DNAH3: variants seen among roughly 807,000 people sequenced by gnomAD.
The protein encoded by DNAH3 is dynein axonemal heavy chain 3, also known as axonemal beta dynein heavy chain 3.
Under a neutral mutation model 432.5 loss-of-function variants are expected in DNAH3, and 332 were observed. The observed-to-expected ratio is 0.77, with a 90% CI of 0.70 to 0.84. DNAH3 has a LOEUF of 0.84. DNAH3 is among the 40% of genes least tolerant of loss of function. The probability of loss-of-function intolerance (pLI) is 0.00; values close to 1 mark genes in which losing one functional copy is unlikely to be tolerated. For synonymous variants in DNAH3, 1,956 were observed against 1,900.2 expected (o/e 1.03, Z -0.76); for missense variants, 4,861 against 5,114.0 (o/e 0.95, Z 1.51).
chr16:20,968,332 G>T (rs1295194863), intron 52 of DNAH3, among the ~76,000 whole-genome samples: 1 of 152,164 alleles, frequency 6.6e-6, no homozygotes, highest in African/African-American at 2.4e-5. Context: ...GCCTCCCAAA[G>T]TGCTGGGATT....
chr16:20,951,964 C>T (rs1218641442), intron 56 of DNAH3, among the ~76,000 whole-genome samples: 2 of 150,458 alleles, frequency 1.3e-5, no homozygotes, highest in Non-Finnish European at 3.0e-5. Flanking sequence ...AGGATGGTCT[C>T]GATCTCCTGA....
At chr16:21,136,209 T>C (rs2092640889) in intron 6 of DNAH3, 115 bp downstream of exon 7, 2 of 1,011,874 alleles carry the variant, frequency 2.0e-6, no homozygotes, top group South Asian at 3.2e-5. Flanking sequence ...AGCCCAGGAG[T>C]TCCAGACCAG....
intron 51 of DNAH3, among the ~76,000 whole-genome samples, chr16:20,972,707 A>C (rs2152641397): frequency 6.6e-6 from 1 of 151,860 alleles, no homozygotes; most frequent in Non-Finnish European, 1.5e-5. Flanking sequence ...AGCCAATCAA[A>C]AAGGCCTGCC....
intron 40 of DNAH3, among the ~76,000 whole-genome samples, chr16:21,021,037 C>A (rs1266279189): frequency 6.6e-6 from 1 of 152,192 alleles, no homozygotes; most frequent in Non-Finnish European, 1.5e-5. Flanking sequence ...CTTTAGTGTT[C>A]ATCCAAGCTG....
intron 48 of DNAH3, among the ~76,000 whole-genome samples, chr16:20,983,704 G>C (rs950864523): frequency 6.6e-6 from 1 of 151,942 alleles, no homozygotes; most frequent in African/African-American, 2.4e-5. Context: ...AGGTGGAAGT[G>C]AAAGGTCACT....
chr16:20,965,232 C>G (rs775187070), exon 53 of DNAH3: 1 of 1,613,484 alleles, frequency 6.2e-7, no homozygotes, highest in South Asian at 1.1e-5. Context: ...CCCACTTGCA[C>G]AGACCCTCGC....
chr16:21,069,427 A>G (rs866786852), exon 23 of DNAH3: 12 of 1,613,896 alleles, frequency 7.4e-6, no homozygotes, highest in Middle Eastern at 1.6e-4. Flanking sequence ...CTTGGGACAT[A>G]AGTGATTTCC....
intron 36 of DNAH3, among the ~76,000 whole-genome samples, chr16:21,031,883 C>T (rs140108500): frequency 0.016 from 2,420 of 152,180 alleles, 63 homozygotes; most frequent in African/African-American, 0.056. Flanking sequence ...CAAAAATTAG[C>T]TGGGCGTGGT....
intron 41 of DNAH3, among the ~76,000 whole-genome samples, chr16:21,009,350 G>C (rs2087468781): frequency 6.6e-6 from 1 of 152,204 alleles, no homozygotes; most frequent in African/African-American, 2.4e-5. Flanking sequence ...CATGTAAAGA[G>C]ATGAAATCAG....
At chr16:20,936,408 G>A (rs952895595) in intron 60 of DNAH3, among the ~76,000 whole-genome samples, 3 of 151,650 alleles carry the variant, frequency 2.0e-5, no homozygotes, top group South Asian at 2.1e-4. Context: ...CGCCTGCCTC[G>A]GCCTCCCAGA....
At chr16:20,981,553 A>G (rs961644307) in intron 49 of DNAH3, among the ~76,000 whole-genome samples, 1 of 151,838 alleles carries the variant, frequency 6.6e-6, no homozygotes, top group South Asian at 2.1e-4. Flanking sequence ...GGTGAAACCC[A>G]GTGTCCACTA....
At chr16:21,121,067 C>T in intron 10 of DNAH3, 1 of 669,956 alleles carries the variant, frequency 1.5e-6, no homozygotes, top group Admixed American at 2.0e-5. Context: ...ATTCGTTTCA[C>T]ATGAGCAAGG....
intron 48 of DNAH3, 62 bp from the exon 49 acceptor site, chr16:20,982,948 G>C (rs1175729844): frequency 6.3e-7 from 1 of 1,595,158 alleles, no homozygotes; most frequent in Non-Finnish European, 8.6e-7. Flanking sequence ...AAGGAGGCAG[G>C]CGGGTATTCC....
At chr16:20,944,971 A>G (rs2083981251) in intron 57 of DNAH3, among the ~76,000 whole-genome samples, 1 of 152,144 alleles carries the variant, frequency 6.6e-6, no homozygotes, top group Admixed American at 6.5e-5. Context: ...CTCCATCCCA[A>G]ACTGTCAGAG....
chr16:21,109,578 GATT>G (rs2092023647), intron 14 of DNAH3, among the ~76,000 whole-genome samples: 2 of 152,172 alleles, frequency 1.3e-5, no homozygotes, highest in African/African-American at 2.4e-5. Context: ...TAATAGCGGT[GATT>G]ATTACTAAAT....
At chr16:21,099,243 T>C (rs954114916) in intron 16 of DNAH3, among the ~76,000 whole-genome samples, 5 of 151,344 alleles carry the variant, frequency 3.3e-5, no homozygotes, top group East Asian at 3.9e-4. Context: ...CATGGATGGA[T>C]GGATGGATGG....
rs374736610 is a variant in DNAH3 at position 21,070,691 on chromosome 16, C to A, written c.3201+19G>T. On this transcript the variant is annotated intron_variant, in intron 22 of 61. Coordinates refer to ENST00000261383, the Ensembl canonical transcript of DNAH3. ...AGCTAACGAAACACCTCAAAGCATT[C>A]AACTTCATTTCCTCTTACCCGGCAT... is the stretch of plus-strand genomic sequence containing the variant. The A allele has an allele frequency of 1.3e-6, 2 of 1,534,512 alleles. No individual in the cohort carries two copies. The highest frequency in any genetic ancestry group is 4.5e-5 in the East Asian group (2 of 44,448).
At chr16:21,113,896 T>A (rs142104884) in intron 12 of DNAH3, among the ~76,000 whole-genome samples, 159 of 152,304 alleles carry the variant, frequency 1.0e-3, no homozygotes, top group African/African-American at 3.6e-3. Context: ...ATTACGATAG[T>A]CCCTCCTTAC....
At chr16:21,022,527 G>C (rs1463546714) in intron 39 of DNAH3, among the ~76,000 whole-genome samples, 1 of 152,164 alleles carries the variant, frequency 6.6e-6, no homozygotes, top group Non-Finnish European at 1.5e-5. Context: ...ATTAGTCAAA[G>C]AGAGTACAGA....
Sources: allele counts gnomAD v4.1 joint callset (sites outside exome capture counted in the v4.1 genomes callset), GRCh38; gene constraint gnomAD v4.1.1; transcripts MANE v1.5; gene names NCBI Gene and HGNC (gene_info 2026-07-23, HGNC 2026-07-21).